Variants in BNC2 observed in about 807,000 individuals in gnomAD.
BNC2 encodes zinc finger protein basonuclin-2.
A neutral mutation model predicts 76.3 loss-of-function variants in BNC2; 20 were observed. The ratio of observed to expected loss-of-function variants is 0.26; its 90% CI spans 0.18 to 0.38. BNC2 has a LOEUF of 0.38. Ranked by LOEUF, BNC2 falls within the 10% of genes least tolerant of loss-of-function variation. BNC2 has a pLI of 1.00. For synonymous variants in BNC2, 582 were observed against 514.8 expected (o/e 1.13, Z -1.77); for missense variants, 1,382 against 1,399.8 (o/e 0.99, Z 0.20).
At chr9:16,829,235 G>A (rs567889825) in intron 1 of BNC2, among the ~76,000 whole-genome samples, 14 of 152,296 alleles carry the variant, frequency 9.2e-5, no homozygotes, top group Middle Eastern at 3.4e-3. Context: ...AGAGAGGAGC[G>A]GGCTCAAAAC....
chr9:16,495,746 A>T (rs548100218), intron 5 of BNC2, among the ~76,000 whole-genome samples: 1 of 152,290 alleles, frequency 6.6e-6, no homozygotes, highest in African/African-American at 2.4e-5. Context: ...ACTTGATTTC[A>T]TGGCTCTCTG....
chr9:16,601,692 T>C (rs1820248484), intron 3 of BNC2, among the ~76,000 whole-genome samples: 1 of 44,506 alleles, frequency 2.2e-5, no homozygotes, highest in African/African-American at 9.5e-5. Flanking sequence ...TCCATTTTCA[T>C]TTTAAATGGA....
chr9:16,522,829 G>C (rs1014579683), intron 5 of BNC2, among the ~76,000 whole-genome samples: 2 of 151,968 alleles, frequency 1.3e-5, no homozygotes, highest in Non-Finnish European at 2.9e-5. Context: ...TTCTCCTGAG[G>C]AGCAGCTGAA....
Position 16,518,571 on chromosome 9 carries a change from T to C in BNC2, c.669+33959A>G, listed in dbSNP as rs906110345. On this transcript the variant is annotated intron_variant, in intron 5 of 6. Coordinates refer to ENST00000380672, the MANE Select transcript of BNC2 (RefSeq NM_017637.6). ...GATGTACAGGTGCAAAAGTCATATA[T>C]ATATATATTTTTTGTTGTTGTTGTT... is the stretch of plus-strand genomic sequence containing the variant. Among the ~76,000 whole-genome samples the C allele has an allele frequency of 7.4e-5, 10 of 135,748 alleles. No individual in the cohort carries two copies. The East Asian group carries it at 1.9e-3, about 25-fold the overall frequency. The allele number at this position is 135,748 out of a possible 152,430, so 89.1% of individuals were successfully genotyped here. A position where few individuals can be genotyped will look rare whatever the true frequency, so the allele number is the denominator to read the frequency against.
chr9:16,861,443 C>T (rs1819408765), intron 1 of BNC2, among the ~76,000 whole-genome samples: 1 of 151,910 alleles, frequency 6.6e-6, no homozygotes, highest in African/African-American at 2.4e-5. Flanking sequence ...GGCTTGTACT[C>T]AGAATATATA....
At chr9:16,512,662 T>TA (rs1262451867) in intron 5 of BNC2, among the ~76,000 whole-genome samples, 18 of 152,334 alleles carry the variant, frequency 1.2e-4, no homozygotes, top group Admixed American at 7.2e-4. Context: ...TTATGTACAC[T>TA]ATAAAACTTT....
chr9:16,701,946 A>T (rs533393026), intron 3 of BNC2, among the ~76,000 whole-genome samples: 1 of 151,786 alleles, frequency 6.6e-6, no homozygotes, highest in African/African-American at 2.4e-5. Context: ...TCCAAAAAAA[A>T]AAAAAAAAAA....
At chr9:16,604,225 TTCTC>T (rs1247344805) in intron 3 of BNC2, among the ~76,000 whole-genome samples, 12 of 151,862 alleles carry the variant, frequency 7.9e-5, no homozygotes, top group East Asian at 3.9e-4. Flanking sequence ...TAGAACCTCT[TTCTC>T]TCTCTCTCTG....
chr9:16,662,629 A>C (rs1822142347), intron 3 of BNC2, among the ~76,000 whole-genome samples: 1 of 152,150 alleles, frequency 6.6e-6, no homozygotes, highest in South Asian at 2.1e-4. Context: ...TCAGCTACTC[A>C]GGAGGCTGAG....
At chr9:16,788,400 A>C (rs926665943) in intron 1 of BNC2, among the ~76,000 whole-genome samples, 3 of 151,936 alleles carry the variant, frequency 2.0e-5, no homozygotes, top group South Asian at 4.2e-4. Context: ...AAAAATACAA[A>C]AAATTAGCCG....
chr9:16,809,016 C>A (rs535122630), intron 1 of BNC2, among the ~76,000 whole-genome samples: 2 of 152,322 alleles, frequency 1.3e-5, no homozygotes, highest in South Asian at 4.1e-4. Context: ...CATCTGACAA[C>A]AGCTCATTCA....
At chr9:16,806,347 A>G (rs1817910968) in intron 1 of BNC2, among the ~76,000 whole-genome samples, 1 of 152,132 alleles carries the variant, frequency 6.6e-6, no homozygotes, top group Non-Finnish European at 1.5e-5. Flanking sequence ...TGCCTGGGTG[A>G]CAGAGTGAGG....
At chr9:16,457,668 T>C (rs1190745230) in intron 5 of BNC2, among the ~76,000 whole-genome samples, 1 of 152,170 alleles carries the variant, frequency 6.6e-6, no homozygotes, top group Non-Finnish European at 1.5e-5. Context: ...TGGACCAAAA[T>C]TCCAGATTCC....
In BNC2 at chr9:16,416,436, A is replaced by C. The variant is rs1359024892; in HGVS notation, c.*2553T>G. The C allele has an allele frequency of 6.6e-6, 1 of 152,664 alleles. No homozygotes were observed. Among genetic ancestry groups the C allele is most frequent in the African/African-American group, 2.4e-5 (1 of 41,468 alleles). The allele number at this position is 152,664 out of a possible 1,614,324, so 9.5% of individuals were successfully genotyped here. On this transcript the variant is annotated 3_prime_UTR_variant, in exon 7 of 7. Coordinates refer to ENST00000380672, the MANE Select transcript of BNC2 (RefSeq NM_017637.6). ...AAACAAACTTTCATTATTCTAGTTCAATCTTTCACAAACATACTGTACAGA... is the reference window on the plus strand; with the variant it reads ...AAACAAACTTTCATTATTCTAGTTCCATCTTTCACAAACATACTGTACAGA...
At chr9:16,738,315 A>T (rs1347794923) in intron 2 of BNC2, 45 bp downstream of exon 2, 1 of 1,587,814 alleles carries the variant, frequency 6.3e-7, no homozygotes, top group Admixed American at 1.8e-5. Context: ...AAAGAATGCA[A>T]GTGTGTCCAA....
intron 1 of BNC2, among the ~76,000 whole-genome samples, chr9:16,826,037 C>G (rs34685320): frequency 4.8e-4 from 73 of 152,240 alleles, no homozygotes; most frequent in South Asian, 8.3e-4. Context: ...AGGCTGATGA[C>G]GAGGGACACA....
chr9:16,776,044 C>T lies in BNC2; in HGVS notation c.4-37559G>A, dbSNP rs139532330. 4.1e-4 allele frequency among the ~76,000 whole-genome samples: 63 copies of T among 152,286 alleles called. 1 individual carries two copies. The East Asian group carries it at 0.01, about 25-fold the overall frequency. On this transcript the variant is annotated intron_variant, in intron 1 of 6. Coordinates refer to ENST00000380672, the MANE Select transcript of BNC2 (RefSeq NM_017637.6). ...ACCCCGACCAGGTCAGGCACTTCTA[C>T]GCTGACTTTCAGCCACGGGGACCTG...
intron 5 of BNC2, among the ~76,000 whole-genome samples, chr9:16,504,049 G>A (rs546122570): frequency 2.0e-5 from 3 of 151,960 alleles, no homozygotes; most frequent in African/African-American, 7.2e-5. Flanking sequence ...AGGCAAGTCG[G>A]AATCCATATG....
chr9:16,665,783 C>T (rs564061111), intron 3 of BNC2, among the ~76,000 whole-genome samples: 2 of 152,248 alleles, frequency 1.3e-5, no homozygotes, highest in Non-Finnish European at 2.9e-5. Flanking sequence ...CAAACATGAT[C>T]CTTACTAAGT....
Sources: allele counts gnomAD v4.1 joint callset (sites outside exome capture counted in the v4.1 genomes callset), GRCh38; gene constraint gnomAD v4.1.1; transcripts MANE v1.5; gene names NCBI Gene and HGNC (gene_info 2026-07-23, HGNC 2026-07-21).